Variants in FNDC1 observed in about 807,000 individuals in gnomAD.
The protein encoded by FNDC1 is fibronectin type III domain containing 1.
FNDC1 carries 96 observed loss-of-function variants against 168.0 expected under a neutral mutation model. That is an observed-to-expected ratio of 0.57 (90% confidence interval 0.48 to 0.68). The LOEUF is 0.68. Ranked by LOEUF, FNDC1 falls within the 30% of genes least tolerant of loss-of-function variation. FNDC1 has a pLI of 0.00. For synonymous variants in FNDC1, 1,099 were observed against 1,025.9 expected (o/e 1.07, Z -1.36); for missense variants, 2,587 against 2,482.1 (o/e 1.04, Z -0.90).
At chr6:159,219,488 T>G (rs1293432242) in intron 5 of FNDC1, among the ~76,000 whole-genome samples, 1 of 152,022 alleles carries the variant, frequency 6.6e-6, no homozygotes, top group Admixed American at 6.5e-5. Flanking sequence ...TCATCTGCAG[T>G]TATTGAGAGC....
intron 21 of FNDC1, among the ~76,000 whole-genome samples, chr6:159,266,561 A>G (rs1054565821): frequency 6.6e-6 from 1 of 152,188 alleles, no homozygotes; most frequent in Non-Finnish European, 1.5e-5. Flanking sequence ...CTTGGCCAAC[A>G]TGGTGAAACC....
At position 159,234,336 on chromosome 6, in the gene FNDC1, C is replaced by A; in HGVS notation, c.3824C>A (p.Thr1275Asn). 6.2e-7 allele frequency: 1 copy of A among 1,611,014 alleles called. No individual in the cohort carries two copies. Among genetic ancestry groups the A allele is most frequent in the Non-Finnish European group, 8.5e-7 (1 of 1,178,636 alleles). Residue 1275 changes from threonine to asparagine, a missense_variant, in exon 11 of 23, where the codon ACC becomes AAC. Physicochemically the swap from Thr to Asn is moderately conservative, Grantham distance 65. Coordinates refer to ENST00000297267, the MANE Select transcript of FNDC1 (RefSeq NM_032532.3). ...SAATVSPVAG[T>N]HPWPQYTTRA... ...GCCACCGTGAGCCCCGTCGCGGGCA[C>A]CCACCCCTGGCCGCAGTACACCACG... is the stretch of plus-strand genomic sequence containing the variant.
chr6:159,183,072 C>T (rs918550482), intron 1 of FNDC1, among the ~76,000 whole-genome samples: 1 of 152,112 alleles, frequency 6.6e-6, no homozygotes, highest in Non-Finnish European at 1.5e-5. Context: ...GGCATTTATT[C>T]CTCATGTTGA....
chr6:159,227,890 A>C (rs1782986207), intron 9 of FNDC1, among the ~76,000 whole-genome samples: 1 of 152,192 alleles, frequency 6.6e-6, no homozygotes, highest in Admixed American at 6.5e-5. Flanking sequence ...CCTCATTCAA[A>C]GCTGTCCTGG....
chr6:159,200,490 C>G, intron 3 of FNDC1, 23 bp from the exon 4 acceptor site: 1 of 1,574,156 alleles, frequency 6.4e-7, no homozygotes, highest in Non-Finnish European at 8.7e-7. Flanking sequence ...TTCTAACTAT[C>G]AAGTTGCATT....
At chr6:159,191,592 G>C (rs1280024408) in intron 1 of FNDC1, among the ~76,000 whole-genome samples, 3 of 152,212 alleles carry the variant, frequency 2.0e-5, no homozygotes, top group African/African-American at 7.2e-5. Context: ...GATTATGTGA[G>C]TGGTAAGCTC....
At chr6:159,254,707 CAA>C (rs61644137) in intron 17 of FNDC1, among the ~76,000 whole-genome samples, 66,943 of 92,076 alleles carry the variant, frequency 0.73, 23,606 homozygotes, top group East Asian at 0.91. Flanking sequence ...GACTTCGTCT[CAA>C]AAAAAAAAAA....
At chr6:159,239,028 T>G (rs1783332822) in intron 13 of FNDC1, among the ~76,000 whole-genome samples, 1 of 152,196 alleles carries the variant, frequency 6.6e-6, no homozygotes, top group African/African-American at 2.4e-5. Context: ...AAAAGAATAT[T>G]TTGTGGCATG....
In FNDC1 at chr6:159,199,238, C is replaced by T. The variant is rs181456122; in HGVS notation, c.305-758C>T. Among the ~76,000 whole-genome samples the T allele has an allele frequency of 3.0e-3, 452 of 152,270 alleles. 1 individual carries two copies. Among genetic ancestry groups the T allele is most frequent in the African/African-American group, 0.01 (419 of 41,534 alleles). On this transcript the variant is annotated intron_variant, in intron 2 of 22. Transcript: ENST00000297267. ...TAGGGTTTTACCTTGCAGAGCTACA[C>T]GTTCAGGGTGCCCTCCCCTGTAACA...
At position 159,169,697 on chromosome 6, in the gene FNDC1, C is replaced by T. The variant is rs534463114; in HGVS notation, c.101C>T (p.Ala34Val). The T allele has an allele frequency of 1.1e-5, 13 of 1,156,272 alleles. No individual in the cohort carries two copies. In the South Asian group the frequency reaches 5.1e-4, roughly 45 times the overall value. The allele number at this position is 1,156,272 out of a possible 1,614,324, so 71.6% of individuals were successfully genotyped here. The change falls in exon 1 of 23, where the codon GCG (alanine) becomes GTG (valine). Residue 34 changes from alanine (A) to valine (V), a missense_variant. Physicochemically the swap from Ala to Val is moderately conservative, Grantham distance 64. Coordinates refer to ENST00000297267, the MANE Select transcript of FNDC1 (RefSeq NM_032532.3). The surrounding 1 kb of genome is among the most constrained non-coding windows in gnomAD (Gnocchi z 6.8). ...AALLPVASSA[A>V]ASVDHPLKPR... ...CTGCTCCCCGTCGCCTCCTCGGCGG[C>T]GGCCTCAGGTACGCGCCGCGCCCGG... is the stretch of plus-strand genomic sequence containing the variant.
intron 14 of FNDC1, among the ~76,000 whole-genome samples, chr6:159,242,902 T>TAC (rs1473690821): frequency 1.3e-5 from 2 of 152,252 alleles, no homozygotes; most frequent in African/African-American, 2.4e-5. Context: ...TGTATGGATA[T>TAC]ACAGCATTTT....
At position 159,239,881 on chromosome 6, in the gene FNDC1, G is replaced by A. The variant is rs765075022; in HGVS notation, c.4545G>A (p.Gly1515=). 2.1e-5 allele frequency: 33 copies of A among 1,545,238 alleles called. No individual in the cohort carries two copies. In the South Asian group the frequency reaches 3.8e-4, roughly 18 times the overall value. ...CTCCCATCCCCACCTGTCCCCCTGG[G>A]ACCTTGGAACGGCACGACGATGATG... The part of the protein sequence containing the change: ...PTTPIPTCPP[G]TLERHDDDGN... The change falls in exon 14 of 23, where the codon GGG becomes GGA. Residue 1515 remains glycine, a synonymous_variant. Coordinates refer to ENST00000297267, the MANE Select transcript of FNDC1 (RefSeq NM_032532.3).
intron 4 of FNDC1, among the ~76,000 whole-genome samples, chr6:159,204,221 AC>A (rs1322651791): frequency 6.6e-6 from 1 of 152,184 alleles, no homozygotes; most frequent in African/African-American, 2.4e-5. Flanking sequence ...TATCTTGGTC[AC>A]CCACTGACTT....
At chr6:159,194,363 G>A (rs1782199989) in intron 1 of FNDC1, among the ~76,000 whole-genome samples, 1 of 152,136 alleles carries the variant, frequency 6.6e-6, no homozygotes, top group African/African-American at 2.4e-5. Context: ...CCCAGTGCAT[G>A]GATAGATAGC....
At chr6:159,243,357 T>C (rs991459791) in intron 14 of FNDC1, 4 of 152,234 alleles carry the variant, frequency 2.6e-5, no homozygotes, top group African/African-American at 7.2e-5. Context: ...TAGAAAATAC[T>C]GAGAAATTCA....
At chr6:159,253,413 C>T (rs936999745) in intron 17 of FNDC1, among the ~76,000 whole-genome samples, 1 of 152,200 alleles carries the variant, frequency 6.6e-6, no homozygotes, top group African/African-American at 2.4e-5. Flanking sequence ...TTAAATGAAG[C>T]ATCACATTAT....
chr6:159,266,357 T>G, intron 21 of FNDC1, 112 bp downstream of exon 21: 1 of 1,120,092 alleles, frequency 8.9e-7, no homozygotes, highest in Non-Finnish European at 1.3e-6. Flanking sequence ...GAGCTACGAC[T>G]ATGGCTCACT....
At chr6:159,196,897 A>G (rs1326705476) in intron 1 of FNDC1, among the ~76,000 whole-genome samples, 1 of 152,210 alleles carries the variant, frequency 6.6e-6, no homozygotes, top group Non-Finnish European at 1.5e-5. Flanking sequence ...ATAGAACCAG[A>G]GTTTTACTCG....
chr6:159,269,567 C>T (rs1460738946), intron 22 of FNDC1, among the ~76,000 whole-genome samples: 3 of 140,220 alleles, frequency 2.1e-5, no homozygotes, highest in Admixed American at 6.9e-5. Flanking sequence ...TCCATCCATC[C>T]ATCTATCCTA....
Sources: gnomAD v4.1 joint callset for allele counts (sites outside exome capture counted in the v4.1 genomes callset) on GRCh38, gnomAD v4.1.1 for gene constraint, Gnocchi (gnomAD v3.1) non-coding constraint, MANE v1.5 for transcripts, NCBI Gene and HGNC (gene_info 2026-07-23, HGNC 2026-07-21) for gene names.